SANBR: variants seen among roughly 807,000 people sequenced by gnomAD.
SANBR encodes the protein SANT and BTB domain regulator of CSR, also known as SANT and BTB domain regulator of class switch recombination.
In SANBR, 77 loss-of-function variants were observed where a neutral mutation model predicts 101.8. The observed-to-expected ratio is 0.76, with a 90% CI of 0.63 to 0.91. The LOEUF is 0.91. Ranked by LOEUF, SANBR falls within the 40% of genes least tolerant of loss-of-function variation. The pLI, the probability that SANBR is intolerant of heterozygous loss-of-function variation, is 0.00. For missense variants in SANBR, 875 were observed against 853.0 expected, an observed-to-expected ratio of 1.03 and a Z score of -0.32; for synonymous variants, 279 against 274.7, an observed-to-expected ratio of 1.02 and a Z score of -0.15.
chr2:61,071,481 C>T (rs1431934091), intron 3 of SANBR, 125 bp from the exon 4 acceptor site: 16 of 465,668 alleles, frequency 3.4e-5, no homozygotes, highest in Admixed American at 9.0e-5. Flanking sequence ...ACCCGGGAGG[C>T]GGAGGTTGCA....
chr2:61,072,095 G>A (rs1681505986), intron 4 of SANBR, among the ~76,000 whole-genome samples: 1 of 151,916 alleles, frequency 6.6e-6, no homozygotes, highest in South Asian at 2.1e-4. Flanking sequence ...GCACCACCGT[G>A]CTTGGCTAAT....
At chr2:61,122,089 A>T (rs1040075287) in intron 21 of SANBR, 37 bp from the exon 22 acceptor site, 1 of 1,544,594 alleles carries the variant, frequency 6.5e-7, no homozygotes. Flanking sequence ...TTGTTTTAGA[A>T]GCAATTCTGA....
rs373048144 is a variant in SANBR at position 61,117,454 on chromosome 2, A to G, written c.1866-13A>G. ...AAGCATCAATGCTGATTTTTGTTCA[A>G]TTTTTTCAATAGTATGAGTATGCAG... On this transcript the variant is annotated splice_polypyrimidine_tract_variant and intron_variant, in intron 18 of 21. Transcript: ENST00000402291. The G allele has an allele frequency of 3.9e-5, 63 of 1,613,526 alleles. No individual in the cohort carries two copies. The highest frequency in any genetic ancestry group is 1.9e-4 in the South Asian group (17 of 91,078).
intron 5 of SANBR, chr2:61,074,960 T>C (rs1681682246): frequency 6.7e-6 from 1 of 150,106 alleles, no homozygotes; most frequent in South Asian, 2.1e-4. Context: ...CCCAATTTTA[T>C]TTAATTCTTT....
intron 20 of SANBR, among the ~76,000 whole-genome samples, chr2:61,132,940 C>A (rs990444704): frequency 6.6e-6 from 1 of 152,178 alleles, no homozygotes; most frequent in East Asian, 1.9e-4. Flanking sequence ...TCCATAGCAA[C>A]AGAAAGCAAA....
Position 61,077,118 on chromosome 2 carries a change from G to T in SANBR, c.630G>T (p.Arg210Ser), listed in dbSNP as rs1281544611. The T allele has an allele frequency of 6.2e-7, 1 of 1,613,204 alleles. No homozygotes were observed. Among genetic ancestry groups the T allele is most frequent in the Non-Finnish European group, 8.5e-7 (1 of 1,179,360 alleles). The change falls in exon 6 of 22, where the codon AGG becomes AGT. Residue 210 changes from arginine to serine, a missense_variant. Physicochemically the swap from Arg to Ser is moderately radical, Grantham distance 110. Coordinates refer to ENST00000402291, the MANE Select transcript of SANBR (RefSeq NM_001129993.3). ...ACTGGTTGATAAAATACATTAAAAGGAACACTAAGGAGAATAAAGATTGTG... is the reference window on the plus strand; with the variant it reads ...ACTGGTTGATAAAATACATTAAAAGTAACACTAAGGAGAATAAAGATTGTG... ...IFNWLIKYIK[R>S]NTKENKDCEM... is the part of the protein sequence containing the mutation.
intron 6 of SANBR, among the ~76,000 whole-genome samples, chr2:61,078,965 TGAGGCA>T (rs1652830119): frequency 6.6e-6 from 1 of 151,870 alleles, no homozygotes; most frequent in African/African-American, 2.4e-5. Flanking sequence ...CACGAGCCCA[TGAGGCA>T]GAGGCTGCAG....
chr2:61,116,011 C>T lies in SANBR; in HGVS notation c.1777C>T (p.Gln593Ter). The T allele has an allele frequency of 6.2e-7, 1 of 1,612,082 alleles. No individual in the cohort carries two copies. The highest frequency in any genetic ancestry group is 8.5e-7 in the Non-Finnish European group (1 of 1,179,292). The change falls in exon 17 of 22, where the codon CAA becomes TAA. Residue 593 changes from glutamine (Q) to a stop codon, truncating the protein, a stop_gained. Transcript: ENST00000402291. LOFTEE classifies it high-confidence loss of function. ...GGAGAAGCCAAAGAAGTTCACTAGA[C>T]AACCAAAAAAGCAGGTATCTTCACC... Reference protein sequence around the residue: ...KKEKPKKFTRQPKKQVSSPCA... With the variant: ...KKEKPKKFTR
At chr2:61,093,527 A>G (rs1573623115) in intron 11 of SANBR, among the ~76,000 whole-genome samples, 1 of 152,166 alleles carries the variant, frequency 6.6e-6, no homozygotes, top group East Asian at 1.9e-4. Context: ...CCCGGGAGGC[A>G]GAGGTTGCGG....
exon 21 of SANBR, chr2:61,134,276 C>G: frequency 6.4e-7 from 1 of 1,551,078 alleles, no homozygotes; most frequent in East Asian, 2.4e-5. Context: ...CTTGACATAT[C>G]GTAAGTGCTC....
intron 20 of SANBR, among the ~76,000 whole-genome samples, chr2:61,119,529 T>G (rs1684236757): frequency 6.6e-6 from 1 of 151,908 alleles, no homozygotes; most frequent in South Asian, 2.1e-4. Flanking sequence ...ATAATAAAAT[T>G]TAAAAACCTA....
intron 1 of SANBR, among the ~76,000 whole-genome samples, chr2:61,067,176 G>A (rs1380341621): frequency 6.6e-6 from 1 of 152,126 alleles, no homozygotes; most frequent in African/African-American, 2.4e-5. Flanking sequence ...TAATGCTGGG[G>A]GGTCTTCCCT....
intron 16 of SANBR, among the ~76,000 whole-genome samples, chr2:61,111,478 C>T (rs1174976671): frequency 6.6e-6 from 1 of 152,174 alleles, no homozygotes; most frequent in Non-Finnish European, 1.5e-5. Context: ...TCGAATCCTC[C>T]AATGAAAAAG....
intron 14 of SANBR, 41 bp downstream of exon 14, chr2:61,106,703 A>G (rs1209154036): frequency 3.3e-5 from 38 of 1,157,642 alleles, no homozygotes; most frequent in Non-Finnish European, 4.8e-5. Context: ...TTACATAAAT[A>G]ATTAATGACA....
Position 61,123,061 on chromosome 2 carries a change from A to T in SANBR, c.*899A>T. On this transcript the variant is annotated 3_prime_UTR_variant, in exon 22 of 22. Coordinates refer to ENST00000402291, the MANE Select transcript of SANBR (RefSeq NM_001129993.3). Reference sequence around the variant, plus strand: ...TTCCAAATACATTAGATAGGTGAAAATTTGCATATATTCAAGAAAAATCAA... The same window carrying T: ...TTCCAAATACATTAGATAGGTGAAATTTTGCATATATTCAAGAAAAATCAA... 1 of 971,638 alleles carries T rather than the reference A, an allele frequency of 1.0e-6. No individual in the cohort carries two copies. Among genetic ancestry groups the T allele is most frequent in the South Asian group, 4.8e-5 (1 of 21,026 alleles). The allele number at this position is 971,638 out of a possible 1,614,324, so 60.2% of individuals were successfully genotyped here.
At chr2:61,072,399 C>G (rs760559647) in intron 4 of SANBR, among the ~76,000 whole-genome samples, 1 of 151,936 alleles carries the variant, frequency 6.6e-6, no homozygotes, top group African/African-American at 2.4e-5. Context: ...TAGCAAGACC[C>G]TGTCTCTACA....
chr2:61,070,358 G>T lies in SANBR; in HGVS notation c.8G>T (p.Arg3Leu). 7.6e-6 allele frequency: 12 copies of T among 1,576,744 alleles called. No individual in the cohort carries two copies. Among genetic ancestry groups the T allele is most frequent in the Non-Finnish European group, 9.4e-6 (11 of 1,166,258 alleles). MS[R>L]GYSENNNFLN... ...TATCCCTAGTTCCAAAAGATGAGTC[G>T]TGGATATTCAGAAAACAACAATTTC... Residue 3 changes from arginine to leucine, a missense_variant, in exon 3 of 22, where the codon CGT becomes CTT. By Grantham distance (102) the Arg-to-Leu change is moderately radical. Coordinates refer to ENST00000402291, the MANE Select transcript of SANBR (RefSeq NM_001129993.3).
intron 16 of SANBR, among the ~76,000 whole-genome samples, chr2:61,109,882 A>G (rs1275612465): frequency 6.6e-6 from 1 of 151,800 alleles, no homozygotes; most frequent in Non-Finnish European, 1.5e-5. Context: ...TGAACTCCTG[A>G]CCTCAGATGA....
chr2:61,085,129 GT>G (rs530592511), intron 8 of SANBR, among the ~76,000 whole-genome samples: 92 of 152,254 alleles, frequency 6.0e-4, no homozygotes, highest in Non-Finnish European at 1.1e-3. Flanking sequence ...TTAATCTGGA[GT>G]TTAGGTCAAA....
Sources: gnomAD v4.1 joint callset for allele counts (sites outside exome capture counted in the v4.1 genomes callset) on GRCh38, gnomAD v4.1.1 for gene constraint, MANE v1.5 for transcripts, NCBI Gene and HGNC (gene_info 2026-07-23, HGNC 2026-07-21) for gene names.